Variants in LRP1B observed in about 807,000 individuals in gnomAD.
The protein encoded by LRP1B is low-density lipoprotein receptor-related protein 1B.
In LRP1B, 217 loss-of-function variants were observed where a neutral mutation model predicts 556.6. The observed-to-expected ratio is 0.39, with a 90% confidence interval of 0.35 to 0.44. The LOEUF (loss-of-function observed/expected upper bound fraction) is 0.44. Ranked by LOEUF, LRP1B falls within the 20% of genes least tolerant of loss-of-function variation. The pLI is 1.00. For missense variants in LRP1B, 5,053 were observed against 5,620.8 expected (o/e 0.90, Z 3.23); for synonymous variants, 2,047 against 1,865.8 (o/e 1.10, Z -2.50).
chr2:141,457,008 T>A (rs1681660109), intron 3 of LRP1B, among the ~76,000 whole-genome samples: 2 of 152,202 alleles, frequency 1.3e-5, no homozygotes, highest in Non-Finnish European at 2.9e-5. Flanking sequence ...TCTGACTGAA[T>A]GGATTATAGA....
intron 14 of LRP1B, among the ~76,000 whole-genome samples, chr2:141,009,396 A>T (rs1415379631): frequency 6.6e-6 from 1 of 151,866 alleles, no homozygotes; most frequent in Non-Finnish European, 1.5e-5. Flanking sequence ...AATGCTTCTT[A>T]CTTTTTTTCT....
chr2:140,873,018 AG>A (rs1693188418), intron 25 of LRP1B, among the ~76,000 whole-genome samples: 1 of 152,152 alleles, frequency 6.6e-6, no homozygotes, highest in South Asian at 2.1e-4. Flanking sequence ...ATACTTTATC[AG>A]GAAAAAAAGA....
chr2:140,648,314 G>A (rs1684557789), intron 41 of LRP1B, among the ~76,000 whole-genome samples: 1 of 152,070 alleles, frequency 6.6e-6, no homozygotes, highest in African/African-American at 2.4e-5. Context: ...GGGAGGGATA[G>A]CATTAGGAGA....
Position 140,594,581 on chromosome 2 carries a change from TAA to T in LRP1B, c.7194+4048_7194+4049del, listed in dbSNP as rs370577373. Among the ~76,000 whole-genome samples the T allele has an allele frequency of 3.5e-3, 529 of 152,284 alleles. 3 individuals carry two copies. The highest frequency in any genetic ancestry group is 0.014 in the Middle Eastern group (4 of 294). Reference sequence around the variant, plus strand: ...ATTTATAAGAATCTCTCCAACACTTTAAAATCAATTAACTTAAATATAGGTTA... The same window carrying T: ...ATTTATAAGAATCTCTCCAACACTTTAATCAATTAACTTAAATATAGGTTA... On this transcript the variant is annotated intron_variant, in intron 43 of 90. Coordinates refer to ENST00000389484, the MANE Select transcript of LRP1B (RefSeq NM_018557.3).
chr2:140,515,169 C>A (rs1689839346), intron 50 of LRP1B, among the ~76,000 whole-genome samples: 2 of 151,998 alleles, frequency 1.3e-5, no homozygotes, highest in South Asian at 2.1e-4. Flanking sequence ...AAAACACTTA[C>A]GTCCTAAGTA....
intron 32 of LRP1B, among the ~76,000 whole-genome samples, chr2:140,807,125 T>A (rs1690745975): frequency 6.6e-6 from 1 of 152,206 alleles, no homozygotes; most frequent in Non-Finnish European, 1.5e-5. Flanking sequence ...CACTGTCTCC[T>A]GCAGGCATTA....
intron 7 of LRP1B, among the ~76,000 whole-genome samples, chr2:141,076,678 A>T (rs1421092738): frequency 6.6e-6 from 1 of 152,200 alleles, no homozygotes; most frequent in East Asian, 1.9e-4. Flanking sequence ...TATTAGAAAC[A>T]TTTTTTAACC....
At chr2:140,867,357 G>T (rs564737901) in intron 27 of LRP1B, among the ~76,000 whole-genome samples, 1 of 150,458 alleles carries the variant, frequency 6.6e-6, no homozygotes, top group African/African-American at 2.4e-5. Context: ...AATATACAGG[G>T]GCATCTTAGG....
chr2:141,362,667 C>G (rs988618063), intron 3 of LRP1B, among the ~76,000 whole-genome samples: 20 of 152,090 alleles, frequency 1.3e-4, no homozygotes, highest in African/African-American at 4.8e-4. Flanking sequence ...GCAAATTCTT[C>G]CTTAACAAGT....
intron 43 of LRP1B, among the ~76,000 whole-genome samples, chr2:140,575,573 T>G (rs1681487931): frequency 6.6e-6 from 1 of 152,236 alleles, no homozygotes; most frequent in South Asian, 2.1e-4. Flanking sequence ...TCTGTGAATT[T>G]TAATAAGAAT....
intron 42 of LRP1B, 144 bp downstream of exon 42, chr2:140,601,306 A>AT (rs1682662491): frequency 4.4e-6 from 3 of 688,782 alleles, no homozygotes; most frequent in Admixed American, 3.7e-5. Context: ...ATGCTCTTAC[A>AT]TAAAAAAAAA....
chr2:141,769,707 A>C (rs566593132), intron 2 of LRP1B, among the ~76,000 whole-genome samples: 1 of 152,208 alleles, frequency 6.6e-6, no homozygotes. Context: ...ATATGTTTTC[A>C]TAGCTGCATA....
intron 3 of LRP1B, among the ~76,000 whole-genome samples, chr2:141,309,808 G>A (rs1156531847): frequency 5.9e-5 from 9 of 151,822 alleles, no homozygotes; most frequent in Admixed American, 4.6e-4. Context: ...AAACCTGCAC[G>A]TTCTGCACAT....
chr2:141,029,178 T>C (rs1277155610), intron 11 of LRP1B, among the ~76,000 whole-genome samples: 1 of 152,058 alleles, frequency 6.6e-6, no homozygotes, highest in Non-Finnish European at 1.5e-5. Context: ...TACAGGGCTA[T>C]TATAGGTTAA....
chr2:141,335,503 T>C (rs548823764), intron 3 of LRP1B, among the ~76,000 whole-genome samples: 2 of 152,314 alleles, frequency 1.3e-5, no homozygotes, highest in South Asian at 4.1e-4. Flanking sequence ...ATTTGGAATT[T>C]ATCATTCAAG....
chr2:141,413,151 C>T (rs192633260), intron 3 of LRP1B, among the ~76,000 whole-genome samples: 17 of 152,092 alleles, frequency 1.1e-4, no homozygotes, highest in African/African-American at 2.6e-4. Context: ...TGCTTGAGCC[C>T]GGGAGTTCAA....
At chr2:140,354,386 T>C (rs1304789366) in intron 75 of LRP1B, among the ~76,000 whole-genome samples, 1 of 152,086 alleles carries the variant, frequency 6.6e-6, no homozygotes, top group East Asian at 1.9e-4. Flanking sequence ...TAAGAACACA[T>C]AAGCATTTTC....
intron 37 of LRP1B, among the ~76,000 whole-genome samples, chr2:140,708,065 T>C (rs1311832321): frequency 6.6e-6 from 1 of 152,112 alleles, no homozygotes; most frequent in Non-Finnish European, 1.5e-5. Flanking sequence ...AAATCGGATT[T>C]AGGTACCCTC....
intron 2 of LRP1B, among the ~76,000 whole-genome samples, chr2:141,702,082 T>C (rs1691958723): frequency 6.6e-6 from 1 of 151,874 alleles, no homozygotes; most frequent in Non-Finnish European, 1.5e-5. Flanking sequence ...GGAATATCCT[T>C]GAAACAGAAG....
Sources: gnomAD v4.1 joint callset for allele counts (sites outside exome capture counted in the v4.1 genomes callset) on GRCh38, gnomAD v4.1.1 for gene constraint, MANE v1.5 for transcripts, NCBI Gene and HGNC (gene_info 2026-07-23, HGNC 2026-07-21) for gene names.